Variants in SESN2 observed in about 807,000 individuals in gnomAD.
The protein encoded by SESN2 is sestrin 2, also known as sestrin-2.
A neutral mutation model predicts 56.0 loss-of-function variants in SESN2; 42 were observed. The observed-to-expected ratio is 0.75, with a 90% CI of 0.59 to 0.97. The LOEUF (loss-of-function observed/expected upper bound fraction) is 0.97. SESN2 is among the 50% of genes least tolerant of loss of function. The pLI is 0.00. For missense variants in SESN2, 507 were observed against 649.4 expected, an observed-to-expected ratio of 0.78 and a Z score of 2.38; for synonymous variants, 264 against 267.1, an observed-to-expected ratio of 0.99 and a Z score of 0.11.
At chr1:28,263,983 G>A (rs1390322985) in intron 1 of SESN2, among the ~76,000 whole-genome samples, 1 of 151,222 alleles carries the variant, frequency 6.6e-6, no homozygotes, top group Admixed American at 6.6e-5. Context: ...CCAGCACTTT[G>A]GGAGGCTGAA....
At chr1:28,266,924 C>G (rs1011789044) in intron 1 of SESN2, among the ~76,000 whole-genome samples, 21 of 152,244 alleles carry the variant, frequency 1.4e-4, no homozygotes, top group African/African-American at 5.1e-4. Context: ...GGATCCAGAC[C>G]GATGACTTAG....
chr1:28,279,242 G>T lies in SESN2; in HGVS notation c.1356+1G>T. 6.2e-7 allele frequency: 1 copy of T among 1,614,022 alleles called. No individual in the cohort carries two copies. Among genetic ancestry groups the T allele is most frequent in the Non-Finnish European group, 8.5e-7 (1 of 1,180,014 alleles). On this transcript the variant is annotated splice_donor_variant, in intron 9 of 9. Coordinates refer to ENST00000253063, the MANE Select transcript of SESN2 (RefSeq NM_031459.5). LOFTEE classifies it high-confidence loss of function. ...GAGGCACTTCCGCCACTCAGAGAAG[G>T]TATGACCTATACAGGCAGGGCAGGA...
At position 28,282,175 on chromosome 1, in the gene SESN2, A is replaced by C. The variant is rs1569574441; in HGVS notation, c.*1373A>C. ...CTCCTCTCTGACCAGTTTGGAGGGC[A>C]CTGAAGAAAGGCAAGGGCCGTGCTG... is the stretch of plus-strand genomic sequence containing the variant. On this transcript the variant is annotated 3_prime_UTR_variant, in exon 10 of 10. Coordinates refer to ENST00000253063, the MANE Select transcript of SESN2 (RefSeq NM_031459.5). 6.6e-6 allele frequency: 1 copy of C among 152,412 alleles called. No individual in the cohort carries two copies. The highest frequency in any genetic ancestry group is 1.5e-5 in the Non-Finnish European group (1 of 68,212). The allele number at this position is 152,412 out of a possible 1,614,324, so 9.4% of individuals were successfully genotyped here. A position where few individuals can be genotyped will look rare whatever the true frequency, so the allele number is the denominator to read the frequency against.
chr1:28,275,796 G>A (rs899053568), intron 8 of SESN2, among the ~76,000 whole-genome samples: 3 of 151,980 alleles, frequency 2.0e-5, no homozygotes, highest in Non-Finnish European at 4.4e-5. Flanking sequence ...GCTCATGCCT[G>A]TAATCCCAGC....
At chr1:28,279,315 C>A in intron 9 of SESN2, 74 bp downstream of exon 9, 1 of 1,500,674 alleles carries the variant, frequency 6.7e-7, no homozygotes. Flanking sequence ...GGTTAGGACC[C>A]AGTGAGAGTC....
chr1:28,262,729 C>A (rs529250032), intron 1 of SESN2, among the ~76,000 whole-genome samples: 1 of 151,708 alleles, frequency 6.6e-6, no homozygotes, highest in Non-Finnish European at 1.5e-5. Flanking sequence ...GAGATTGAGA[C>A]CATTCTGGCT....
intron 1 of SESN2, among the ~76,000 whole-genome samples, chr1:28,263,823 G>A (rs1647464964): frequency 6.6e-6 from 1 of 152,142 alleles, no homozygotes; most frequent in South Asian, 2.1e-4. Context: ...CCTTAGTCTT[G>A]TGTGCAAAAT....
At chr1:28,260,352 A>G (rs576967192) in intron 1 of SESN2, among the ~76,000 whole-genome samples, 105 of 152,112 alleles carry the variant, frequency 6.9e-4, no homozygotes, top group African/African-American at 2.4e-3. Flanking sequence ...CCTTCCGCGG[A>G]GTCCCTTCCT....
rs375384922 is a variant in SESN2, at chr1:28,272,819, C to T, written c.750+26C>T. 3.5e-6 allele frequency: 5 copies of T among 1,416,844 alleles called. No individual in the cohort carries two copies. In the African/African-American group the frequency reaches 4.2e-5, roughly 12 times the overall value. 87.8% of individuals were successfully genotyped at this position (1,416,844 alleles called of 1,614,324 possible). On this transcript the variant is annotated intron_variant, in intron 5 of 9. Coordinates refer to ENST00000253063, the MANE Select transcript of SESN2 (RefSeq NM_031459.5). ...GTAAGTCACGGGCCTGGGTCTTGAT[C>T]GGGGAGGAAGCGGGCATGACCTCTG...
intron 1 of SESN2, among the ~76,000 whole-genome samples, chr1:28,261,621 G>T (rs982981407): frequency 7.2e-5 from 11 of 152,132 alleles, no homozygotes; most frequent in African/African-American, 2.7e-4. Context: ...CTCACAAGGG[G>T]GTGCCTGAGC....
chr1:28,276,292 CA>C (rs1648038052), intron 8 of SESN2, among the ~76,000 whole-genome samples: 1 of 151,938 alleles, frequency 6.6e-6, no homozygotes, highest in Admixed American at 6.6e-5. Flanking sequence ...TCAGCCTGGA[CA>C]ACATAATTAA....
At chr1:28,267,742 G>A (rs1021614058) in intron 1 of SESN2, among the ~76,000 whole-genome samples, 10 of 152,172 alleles carry the variant, frequency 6.6e-5, no homozygotes, top group Non-Finnish European at 1.5e-5. Flanking sequence ...CCTGATATTA[G>A]TGGTTTCTAA....
In SESN2 at chr1:28,274,196, A is replaced by G. The variant is rs752655380; in HGVS notation, c.1020+38A>G. ...CTACTAGTCTTGGCCATTGCTCCAC[A>G]TTTACGAACAAGCAGTGGGTGGATA... On this transcript the variant is annotated intron_variant, in intron 7 of 9. Transcript: ENST00000253063. 1.2e-5 allele frequency: 16 copies of G among 1,315,352 alleles called. No individual in the cohort carries two copies. The Admixed American group carries it at 2.5e-4, about 21-fold the overall frequency. 81.5% of individuals were successfully genotyped at this position (1,315,352 alleles called of 1,614,324 possible).
chr1:28,280,353 T>C (rs2149041378), intron 9 of SESN2, among the ~76,000 whole-genome samples: 1 of 152,354 alleles, frequency 6.6e-6, no homozygotes, highest in African/African-American at 2.4e-5. Context: ...ATTACAGGCA[T>C]CCACCACCAT....
chr1:28,273,411 G>A lies in SESN2; in HGVS notation c.804G>A (p.Leu268=). ...VEALMERMQQ[L]QESLLRDEGT... is the part of the protein sequence containing the mutation. Reference sequence around the variant, plus strand: ...CGCTGATGGAGCGCATGCAGCAGCTGCAGGAGAGCCTGCTGCGGGATGAGG... The same window carrying A: ...CGCTGATGGAGCGCATGCAGCAGCTACAGGAGAGCCTGCTGCGGGATGAGG... Residue 268 remains leucine (L), a synonymous_variant, in exon 6 of 10, where the codon CTG becomes CTA. Coordinates refer to ENST00000253063, the MANE Select transcript of SESN2 (RefSeq NM_031459.5). The A allele has an allele frequency of 6.2e-7, 1 of 1,611,032 alleles. No individual in the cohort carries two copies. Among genetic ancestry groups the A allele is most frequent in the Non-Finnish European group, 8.5e-7 (1 of 1,179,152 alleles).
intron 1 of SESN2, among the ~76,000 whole-genome samples, chr1:28,263,606 C>T (rs1647457399): frequency 6.6e-6 from 1 of 152,012 alleles, no homozygotes. Flanking sequence ...ATAGGGTAAC[C>T]GAGAATAAAG....
At chr1:28,265,934 C>G (rs1557730681) in intron 1 of SESN2, among the ~76,000 whole-genome samples, 1 of 152,208 alleles carries the variant, frequency 6.6e-6, no homozygotes, top group Non-Finnish European at 1.5e-5. Flanking sequence ...ATTGCACACT[C>G]TCCCTCCCCA....
intron 7 of SESN2, 129 bp downstream of exon 7, chr1:28,274,287 T>C (rs1647941955): frequency 1.5e-6 from 1 of 677,546 alleles, no homozygotes; most frequent in Non-Finnish European, 2.6e-6. Context: ...ATCCCAGCAC[T>C]TTGGGAAGCC....
chr1:28,274,230 A>G, intron 7 of SESN2, 72 bp downstream of exon 7: 2 of 1,002,930 alleles, frequency 2.0e-6, no homozygotes, highest in Admixed American at 3.4e-5. Flanking sequence ...TAGTTTGAGT[A>G]GTTACAGAGT....
Sources: gnomAD v4.1 joint callset for allele counts (sites outside exome capture counted in the v4.1 genomes callset) on GRCh38, gnomAD v4.1.1 for gene constraint, MANE v1.5 for transcripts, NCBI Gene and HGNC (gene_info 2026-07-23, HGNC 2026-07-21) for gene names.